Variants in MAD2L2 observed in about 807,000 individuals in gnomAD.
The protein encoded by MAD2L2 is mitotic spindle assembly checkpoint protein MAD2B.
MAD2L2 carries 17 observed loss-of-function variants against 30.5 expected under a neutral mutation model. The observed-to-expected ratio is 0.56, with a 90% confidence interval of 0.38 to 0.84. MAD2L2 has a LOEUF of 0.84. Ranked by LOEUF, MAD2L2 falls within the 40% of genes least tolerant of loss-of-function variation. The pLI, the probability that MAD2L2 is intolerant of heterozygous loss-of-function variation, is 0.00. For missense variants in MAD2L2, 213 were observed against 277.4 expected (o/e 0.77, Z 1.65); for synonymous variants, 101 against 113.9 (o/e 0.89, Z 0.72).
intron 1 of MAD2L2, 146 bp from the exon 2 acceptor site, chr1:11,680,759 A>C: frequency 1.5e-6 from 2 of 1,354,686 alleles, no homozygotes; most frequent in Non-Finnish European, 1.9e-6. Flanking sequence ...AGCTGGAAGA[A>C]CCTCCACCCC....
In MAD2L2 at chr1:11,688,952, G is replaced by GT. The variant is rs1641010446; in HGVS notation, c.-692+2460dup. Among the ~76,000 whole-genome samples the GT allele has an allele frequency of 6.6e-6, 1 of 152,192 alleles. No homozygotes were observed. The highest frequency in any genetic ancestry group is 2.1e-4 in the South Asian group (1 of 4,834). The stretch of plus-strand genomic sequence containing the variant: ...CTCCACTCCCACCAGTGCCATGGCA[G>GT]TTTACAAATGCCATGGCAACATCAG... On this transcript the variant is annotated intron_variant, in intron 1 of 10. Transcript: ENST00000235310. The surrounding 1 kb of genome is among the most constrained non-coding windows in gnomAD (Gnocchi z 4.6).
chr1:11,676,581 G>A lies in MAD2L2; in HGVS notation c.332+267C>T, dbSNP rs553316413. Among the ~76,000 whole-genome samples, 18 of 152,314 alleles carry A rather than the reference G, an allele frequency of 1.2e-4. No homozygotes were observed. In the South Asian group the frequency reaches 1.9e-3, roughly 16 times the overall value. ...AACGCATGTGCCAGAGGTCAACTTC[G>A]AGTTGACTGGACACTTGCCTGGGGA... On this transcript the variant is annotated intron_variant, in intron 5 of 8. Transcript: ENST00000376692.
upstream of MAD2L2, among the ~76,000 whole-genome samples, chr1:11,684,496 G>C (rs1640927340): frequency 1.3e-5 from 2 of 152,132 alleles, no homozygotes. Context: ...GATCTCTGAT[G>C]GGGACGGAGG....
At chr1:11,691,213 T>C (rs1316783530) in intron 1 of MAD2L2, among the ~76,000 whole-genome samples, 2 of 152,108 alleles carry the variant, frequency 1.3e-5, no homozygotes, top group African/African-American at 4.8e-5. Context: ...AATAATCCTT[T>C]TGTGGCCCCG....
At chr1:11,683,691 G>A (rs904327922), upstream of MAD2L2, among the ~76,000 whole-genome samples, 1 of 152,110 alleles carries the variant, frequency 6.6e-6, no homozygotes, top group South Asian at 2.1e-4. Context: ...ACGTCAGCTG[G>A]GCACGGTGGG....
At position 11,688,893 on chromosome 1, in the gene MAD2L2, T is replaced by G. The variant is rs1641009464; in HGVS notation, c.-692+2520A>C. ...CTGTCAAAACCCACCAAAAGCAAGA[T>G]GGCCACGAGACCAACCTCTGGTCAT... On this transcript the variant is annotated intron_variant, in intron 1 of 10. Coordinates refer to the MAD2L2 transcript ENST00000235310. The surrounding 1 kb of genome is among the most constrained non-coding windows in gnomAD (Gnocchi z 4.6). Among the ~76,000 whole-genome samples the G allele has an allele frequency of 6.6e-6, 1 of 152,182 alleles. No individual in the cohort carries two copies. Among genetic ancestry groups the G allele is most frequent in the Non-Finnish European group, 1.5e-5 (1 of 68,030 alleles).
Position 11,688,717 on chromosome 1 carries a change from T to C in MAD2L2, c.-692+2696A>G, listed in dbSNP as rs1641006741. 6.6e-6 allele frequency among the ~76,000 whole-genome samples: 1 copy of C among 152,174 alleles called. No homozygotes were observed. Among genetic ancestry groups the C allele is most frequent in the African/African-American group, 2.4e-5 (1 of 41,432 alleles). The stretch of plus-strand genomic sequence containing the variant: ...GTGTCTGAACCAGAGCAACCCCATC[T>C]TGAGTAGGGGCTGGGTCAAATGGGG... On this transcript the variant is annotated intron_variant, in intron 1 of 10. Transcript: ENST00000235310. The surrounding 1 kb of genome is among the most constrained non-coding windows in gnomAD (Gnocchi z 4.6).
At chr1:11,676,218 G>A in intron 5 of MAD2L2, 78 bp from the exon 6 acceptor site, 1 of 917,516 alleles carries the variant, frequency 1.1e-6, no homozygotes, top group Non-Finnish European at 1.7e-6. Flanking sequence ...ATGCAGACCT[G>A]GGGTACAAGA....
chr1:11,677,248 G>A (rs923321670), intron 4 of MAD2L2: 4 of 596,466 alleles, frequency 6.7e-6, no homozygotes, highest in African/African-American at 1.9e-5. Context: ...CGTTTAGCGT[G>A]GAGAACAGGG....
intron 4 of MAD2L2, 33 bp from the exon 5 acceptor site, chr1:11,676,981 G>A: frequency 6.5e-7 from 1 of 1,537,236 alleles, no homozygotes; most frequent in Non-Finnish European, 9.0e-7. Context: ...TGCAGAGCCA[G>A]GCACCCCACC....
intron 4 of MAD2L2, 131 bp downstream of exon 4, chr1:11,677,412 G>A (rs573294900): frequency 2.2e-6 from 2 of 889,300 alleles, no homozygotes; most frequent in Non-Finnish European, 3.6e-6. Flanking sequence ...CAGGGAACAG[G>A]CTTCTGGGTA....
intron 3 of MAD2L2, 63 bp from the exon 4 acceptor site, chr1:11,677,677 A>C: frequency 7.1e-7 from 1 of 1,399,060 alleles, no homozygotes; most frequent in Non-Finnish European, 1.0e-6. Flanking sequence ...ACCCAACACA[A>C]CCAGGAGCCT....
At chr1:11,676,779 A>T in intron 5 of MAD2L2, 69 bp downstream of exon 5, 1 of 1,265,666 alleles carries the variant, frequency 7.9e-7, no homozygotes, top group South Asian at 1.2e-5. Flanking sequence ...GGGCCGCCTT[A>T]AAGGGGTGGG....
chr1:11,676,136 C>CT lies in MAD2L2; in HGVS notation c.336dup (p.Asp113ArgfsTer64). ...TGCTCCACATGAGACAACAGCGAGT[C>CT]TGAGCTGGGAGTGAGAGGAGGTCTT... On this transcript the variant is annotated frameshift_variant, in exon 6 of 9. Coordinates refer to ENST00000376692, the MANE Select transcript of MAD2L2 (RefSeq NM_006341.4). LOFTEE classifies it high-confidence loss of function. The CT allele has an allele frequency of 2.5e-6, 4 of 1,596,666 alleles. No individual in the cohort carries two copies. The highest frequency in any genetic ancestry group is 3.4e-6 in the Non-Finnish European group (4 of 1,169,322).
At position 11,675,137 on chromosome 1, in the gene MAD2L2, T is replaced by C. The variant is rs771619761; in HGVS notation, c.539A>G (p.His180Arg). 6.2e-7 allele frequency: 1 copy of C among 1,604,604 alleles called. No individual in the cohort carries two copies. The highest frequency in any genetic ancestry group is 1.1e-5 in the South Asian group (1 of 90,114). ...TGGTATCAGCCGGGGGTCATGCATGTGGACATCCTGCTCATCCGCCAGGAT... is the reference window on the plus strand; with the variant it reads ...TGGTATCAGCCGGGGGTCATGCATGCGGACATCCTGCTCATCCGCCAGGAT... ...PWILADEQDV[H>R]MHDPRLIPLK... The change falls in exon 8 of 9, where the codon CAC becomes CGC. Residue 180 changes from histidine to arginine, a missense_variant. His to Arg is a conservative substitution (Grantham distance 29). Transcript: ENST00000376692.
At chr1:11,691,233 C>T (rs1641058563) in intron 1 of MAD2L2, among the ~76,000 whole-genome samples, 1 of 152,082 alleles carries the variant, frequency 6.6e-6, no homozygotes, top group Non-Finnish European at 1.5e-5. Context: ...GGGCCCCTGC[C>T]CTGACAGACG....
At position 11,674,643 on chromosome 1, in the gene MAD2L2, G is replaced by C; in HGVS notation, c.*132C>G. On this transcript the variant is annotated 3_prime_UTR_variant, in exon 9 of 9. Coordinates refer to ENST00000376692, the MANE Select transcript of MAD2L2 (RefSeq NM_006341.4). This position sits in a 1 kb window ranked among gnomAD's most constrained non-coding sequence, Gnocchi z 6.1. ...CCTCCAAGCAGACCTGAGCGGCCCC[G>C]GGCTGGGGCGGGCGATCCACACACA... 1.0e-6 allele frequency: 1 copy of C among 966,270 alleles called. No homozygotes were observed. Among genetic ancestry groups the C allele is most frequent in the Non-Finnish European group, 1.6e-6 (1 of 622,158 alleles). The allele number at this position is 966,270 out of a possible 1,614,324, so 59.9% of individuals were successfully genotyped here. A position where few individuals can be genotyped will look rare whatever the true frequency, so the allele number is the denominator to read the frequency against.
At position 11,677,585 on chromosome 1, in the gene MAD2L2, AT is replaced by A. The variant is rs1348560796; in HGVS notation, c.188del (p.Tyr63LeufsTer24). 1 of 1,613,686 alleles carries A rather than the reference AT, an allele frequency of 6.2e-7. No homozygotes were observed. On this transcript the variant is annotated frameshift_variant, in exon 4 of 9. Coordinates refer to ENST00000376692, the MANE Select transcript of MAD2L2 (RefSeq NM_006341.4). LOFTEE classifies it high-confidence loss of function. ...QMSCHPELNQ[Y>X]IQDTLHCVKP... ...TGACGCAGTGCAGCGTGTCCTGGAT[AT>A]ACTGATTCAGCTCCGGGTGGCAGGA... is the stretch of plus-strand genomic sequence containing the variant.
At chr1:11,677,134 G>T in intron 4 of MAD2L2, 186 bp from the exon 5 acceptor site, 1 of 636,960 alleles carries the variant, frequency 1.6e-6, no homozygotes, top group Non-Finnish European at 2.8e-6. Flanking sequence ...CAGCATGAGT[G>T]GTGTAGGCTG....
Sources: gnomAD v4.1 joint callset for allele counts (sites outside exome capture counted in the v4.1 genomes callset) on GRCh38, gnomAD v4.1.1 for gene constraint, Gnocchi (gnomAD v3.1) non-coding constraint, MANE v1.5 for transcripts, NCBI Gene and HGNC (gene_info 2026-07-23, HGNC 2026-07-21) for gene names.